Variants in TINAG observed in about 807,000 individuals in gnomAD.
TINAG encodes tubulointerstitial nephritis antigen.
In TINAG, 83 loss-of-function variants were observed where a neutral mutation model predicts 72.7. That is an observed-to-expected ratio of 1.14 (90% CI 0.96 to 1.37). The LOEUF (loss-of-function observed/expected upper bound fraction) is 1.37, where lower values mean the gene tolerates loss of function less well. TINAG is among the 40% of genes most tolerant of loss of function. The pLI is 0.00. For synonymous variants in TINAG, 234 were observed against 189.9 expected, an observed-to-expected ratio of 1.23 and a Z score of -1.91; for missense variants, 685 against 576.6, an observed-to-expected ratio of 1.19 and a Z score of -1.93.
At chr6:54,329,423 C>T (rs538682435) in intron 4 of TINAG, among the ~76,000 whole-genome samples, 3 of 152,042 alleles carry the variant, frequency 2.0e-5, no homozygotes, top group African/African-American at 4.8e-5. Flanking sequence ...CAAGCAAATG[C>T]CCAGGGATTT....
chr6:54,345,845 A>C (rs1276932891), intron 5 of TINAG, among the ~76,000 whole-genome samples: 1 of 152,136 alleles, frequency 6.6e-6, no homozygotes, highest in Non-Finnish European at 1.5e-5. Context: ...ATGTGTATAC[A>C]AAGATACATA....
At chr6:54,385,692 G>GA (rs1364912579) in intron 10 of TINAG, among the ~76,000 whole-genome samples, 1 of 151,430 alleles carries the variant, frequency 6.6e-6, no homozygotes, top group Non-Finnish European at 1.5e-5. Flanking sequence ...ATACAAAAAA[G>GA]AAAAAATATA....
At chr6:54,368,021 T>C (rs1177375370) in intron 9 of TINAG, among the ~76,000 whole-genome samples, 1 of 151,570 alleles carries the variant, frequency 6.6e-6, no homozygotes, top group Non-Finnish European at 1.5e-5. Flanking sequence ...CCTAATACCA[T>C]TGCAATGGGA....
chr6:54,328,316 C>T (rs999760304), intron 4 of TINAG, among the ~76,000 whole-genome samples: 13 of 152,000 alleles, frequency 8.6e-5, no homozygotes, highest in African/African-American at 3.1e-4. Context: ...GCTGGTGATA[C>T]CCAGGCAAAC....
intron 9 of TINAG, among the ~76,000 whole-genome samples, chr6:54,366,240 G>T (rs78145851): frequency 6.8e-6 from 1 of 147,312 alleles, no homozygotes; most frequent in East Asian, 2.0e-4. Context: ...ATCTATATGC[G>T]TACACGTACG....
chr6:54,384,421 A>G (rs1415952281), intron 10 of TINAG, among the ~76,000 whole-genome samples: 1 of 152,174 alleles, frequency 6.6e-6, no homozygotes, highest in Non-Finnish European at 1.5e-5. Flanking sequence ...TTTCACGATC[A>G]AACAGCTGAA....
At chr6:54,372,735 T>C (rs1431213322) in intron 9 of TINAG, among the ~76,000 whole-genome samples, 2 of 4,848 alleles carry the variant, frequency 4.1e-4, no homozygotes, top group South Asian at 9.2e-3. Flanking sequence ...TACATATATA[T>C]ATATATATAT....
chr6:54,315,768 T>A lies in TINAG; in HGVS notation c.356-4811T>A, dbSNP rs1192663992. On this transcript the variant is annotated intron_variant, in intron 1 of 10. Coordinates refer to ENST00000259782, the MANE Select transcript of TINAG (RefSeq NM_014464.4). The stretch of plus-strand genomic sequence containing the variant: ...AGAGCTCGAGTGGATTTTCTAGACA[T>A]AACCTTTTGGTATAGAGGATTTTAA... Among the ~76,000 whole-genome samples the A allele has an allele frequency of 2.0e-5, 3 of 152,034 alleles. No homozygotes were observed. In the East Asian group the frequency reaches 5.8e-4, roughly 29 times the overall value.
intron 9 of TINAG, among the ~76,000 whole-genome samples, chr6:54,379,605 T>C (rs1185916235): frequency 6.6e-6 from 1 of 152,098 alleles, no homozygotes; most frequent in Non-Finnish European, 1.5e-5. Context: ...CATTATGGTT[T>C]ATAACAGTAG....
intron 4 of TINAG, among the ~76,000 whole-genome samples, chr6:54,336,296 C>A (rs1489435109): frequency 6.6e-6 from 1 of 151,906 alleles, no homozygotes; most frequent in Non-Finnish European, 1.5e-5. Context: ...TTGTATTGAC[C>A]TTGGGAGAAT....
At chr6:54,321,855 CACTT>C (rs1784498172) in intron 3 of TINAG, among the ~76,000 whole-genome samples, 1 of 152,156 alleles carries the variant, frequency 6.6e-6, no homozygotes, top group South Asian at 2.1e-4. Context: ...TAACCAATGT[CACTT>C]ACGGTTGAAT....
intron 3 of TINAG, among the ~76,000 whole-genome samples, chr6:54,323,209 A>G (rs964329402): frequency 3.9e-5 from 6 of 152,352 alleles, no homozygotes; most frequent in African/African-American, 1.4e-4. Context: ...TAACTTTAAA[A>G]GAGTAGAAAG....
chr6:54,350,224 TG>T (rs1170513639), intron 7 of TINAG, among the ~76,000 whole-genome samples: 1 of 151,790 alleles, frequency 6.6e-6, no homozygotes, highest in Non-Finnish European at 1.5e-5. Flanking sequence ...CTGACTTTTT[TG>T]TGGTATTAGC....
chr6:54,359,092 T>A (rs1161237688), intron 9 of TINAG, among the ~76,000 whole-genome samples: 1 of 151,884 alleles, frequency 6.6e-6, no homozygotes, highest in Non-Finnish European at 1.5e-5. Context: ...TATGACCATT[T>A]GTTTGAATTT....
intron 9 of TINAG, among the ~76,000 whole-genome samples, chr6:54,374,413 G>A (rs752355125): frequency 2.6e-5 from 4 of 152,034 alleles, no homozygotes; most frequent in Non-Finnish European, 5.9e-5. Context: ...AGTGGTGGTA[G>A]GGAATGCCCA....
intron 9 of TINAG, among the ~76,000 whole-genome samples, chr6:54,374,939 T>C (rs541493549): frequency 6.6e-6 from 1 of 152,206 alleles, no homozygotes; most frequent in African/African-American, 2.4e-5. Context: ...TATTCACTAA[T>C]ACAGAGTTTG....
At position 54,328,487 on chromosome 6, in the gene TINAG, A is replaced by C. The variant is rs367761500; in HGVS notation, c.624+1571A>C. Among the ~76,000 whole-genome samples the C allele has an allele frequency of 8.5e-5, 13 of 152,292 alleles. No individual in the cohort carries two copies. In the South Asian group the frequency reaches 1.5e-3, roughly 17 times the overall value. Reference sequence around the variant, plus strand: ...GAAGGTCACCAACATCAAAGGCCAGAAGTAGATAAATCCACAAGATGAGGA... The same window carrying C: ...GAAGGTCACCAACATCAAAGGCCAGCAGTAGATAAATCCACAAGATGAGGA... On this transcript the variant is annotated intron_variant, in intron 4 of 10. Transcript: ENST00000259782.
chr6:54,373,071 C>G (rs1048655007), intron 9 of TINAG, among the ~76,000 whole-genome samples: 2 of 152,090 alleles, frequency 1.3e-5, no homozygotes, highest in African/African-American at 4.8e-5. Context: ...TTACTCTTCT[C>G]CATTCCCATC....
intron 1 of TINAG, among the ~76,000 whole-genome samples, chr6:54,317,334 G>A (rs1340698731): frequency 6.6e-6 from 1 of 151,946 alleles, no homozygotes; most frequent in Non-Finnish European, 1.5e-5. Flanking sequence ...ATCTTGGATT[G>A]TAGCTCCCAT....
Sources: gnomAD v4.1 joint callset for allele counts (sites outside exome capture counted in the v4.1 genomes callset) on GRCh38, gnomAD v4.1.1 for gene constraint, MANE v1.5 for transcripts, NCBI Gene and HGNC (gene_info 2026-07-23, HGNC 2026-07-21) for gene names.